Variants in ANK2 observed in about 807,000 individuals in gnomAD.
The protein encoded by ANK2 is ankyrin 2.
Under a neutral mutation model 360.5 loss-of-function variants are expected in ANK2, and 83 were observed. The observed-to-expected ratio is 0.23, with a 90% confidence interval of 0.19 to 0.28. The LOEUF is 0.28. Among genes scored for constraint, ANK2 ranks in the 10% least tolerant of loss-of-function variants. The pLI is 1.00. For missense variants in ANK2, 4,201 were observed against 4,795.7 expected, an observed-to-expected ratio of 0.88 and a Z score of 3.66; for synonymous variants, 1,740 against 1,759.5, an observed-to-expected ratio of 0.99 and a Z score of 0.28.
chr4:112,985,046 T>A (rs7662988), intron 2 of ANK2, among the ~76,000 whole-genome samples: 35,465 of 152,078 alleles, frequency 0.23, 4,368 homozygotes, highest in East Asian at 0.43. Flanking sequence ...ACAATTAAAC[T>A]CTTATGTAGC....
intron 1 of ANK2, among the ~76,000 whole-genome samples, chr4:112,837,314 G>T (rs2061200419): frequency 6.6e-6 from 1 of 152,252 alleles, no homozygotes; most frequent in South Asian, 2.1e-4. Context: ...GGGAAGCTCT[G>T]CCTAGATTTC....
chr4:112,904,196 T>A (rs2084419874), intron 1 of ANK2, among the ~76,000 whole-genome samples: 1 of 152,192 alleles, frequency 6.6e-6, no homozygotes, highest in African/African-American at 2.4e-5. Context: ...CTCATATTTT[T>A]AAAAATCTAT....
intron 2 of ANK2, among the ~76,000 whole-genome samples, chr4:112,989,824 A>G (rs2046146875): frequency 6.6e-6 from 1 of 152,210 alleles, no homozygotes; most frequent in Non-Finnish European, 1.5e-5. Flanking sequence ...AATTACAGAA[A>G]ACATGCACAA....
chr4:113,292,582 G>T (rs1329539625), intron 21 of ANK2, 68 bp downstream of exon 21: 5 of 1,448,232 alleles, frequency 3.5e-6, no homozygotes, highest in Non-Finnish European at 4.7e-6. Context: ...GTGGCTTCTT[G>T]TCTGAGCTGA....
chr4:113,289,695 C>A (rs1244054868), intron 20 of ANK2, among the ~76,000 whole-genome samples: 1 of 152,124 alleles, frequency 6.6e-6, no homozygotes, highest in East Asian at 1.9e-4. Context: ...ATGTTTATAG[C>A]TAATTTAAAA....
intron 1 of ANK2, among the ~76,000 whole-genome samples, chr4:112,845,057 T>C (rs1351048112): frequency 2.6e-5 from 4 of 152,184 alleles, no homozygotes; most frequent in South Asian, 2.1e-4. Context: ...GTAACTTAAA[T>C]AAGAAGTACA....
chr4:113,242,244 A>G (rs1401067551), intron 9 of ANK2, 35 bp downstream of exon 9: 2 of 1,580,462 alleles, frequency 1.3e-6, no homozygotes, highest in African/African-American at 2.7e-5. Flanking sequence ...TTCTACCATT[A>G]TTATTTCTTT....
intron 2 of ANK2, among the ~76,000 whole-genome samples, chr4:112,978,197 T>C (rs949107800): frequency 6.6e-6 from 1 of 152,024 alleles, no homozygotes; most frequent in Non-Finnish European, 1.5e-5. Context: ...TGAGTCGAGA[T>C]TGCGCCATTG....
At chr4:113,026,637 A>G (rs2059344766) in intron 2 of ANK2, among the ~76,000 whole-genome samples, 1 of 152,188 alleles carries the variant, frequency 6.6e-6, no homozygotes, top group Non-Finnish European at 1.5e-5. Flanking sequence ...TTATAAGAAA[A>G]GGCTCAAATG....
rs76706164 is a variant in ANK2, at chr4:112,906,619, A to C, written c.21+2105A>C. Among the ~76,000 whole-genome samples the C allele has an allele frequency of 8.7e-3, 1,321 of 152,278 alleles. 6 individuals are homozygous for C. The highest frequency in any genetic ancestry group is 0.013 in the Non-Finnish European group (879 of 68,014). On this transcript the variant is annotated intron_variant, in intron 2 of 30. Transcript: ENST00000503271. The stretch of plus-strand genomic sequence containing the variant: ...GACAACATGCACATCAACACAGCTA[A>C]GGCAATCTCTGTAGGATGCGTGCAG...
At chr4:112,780,778 A>G in the ANK2 span, among the ~76,000 whole-genome samples, 3 of 152,156 alleles carry the variant, frequency 2.0e-5, no homozygotes, top group Non-Finnish European at 4.4e-5. Flanking sequence ...GTGAGAACTC[A>G]GTCACTATCA....
chr4:112,842,722 C>T (rs1004803261), intron 1 of ANK2, among the ~76,000 whole-genome samples: 4 of 152,210 alleles, frequency 2.6e-5, no homozygotes, highest in African/African-American at 2.4e-5. Context: ...TCCTGCTGTG[C>T]GGCCCGCTTC....
At chr4:113,305,961 C>T (rs1490711661) in intron 23 of ANK2, among the ~76,000 whole-genome samples, 1 of 152,132 alleles carries the variant, frequency 6.6e-6, no homozygotes, top group African/African-American at 2.4e-5. Flanking sequence ...TAAGACTTTA[C>T]ATTGAGATGT....
At chr4:113,309,865 T>G (rs890180788) in intron 23 of ANK2, among the ~76,000 whole-genome samples, 1 of 152,156 alleles carries the variant, frequency 6.6e-6, no homozygotes, top group Non-Finnish European at 1.5e-5. Flanking sequence ...GTCATAAAAT[T>G]TTGATATATT....
Position 113,365,095 on chromosome 4 carries a change from A to G in ANK2, c.10945A>G (p.Met3649Val), listed in dbSNP as rs145856327. 39 of 1,613,620 alleles carry G rather than the reference A, an allele frequency of 2.4e-5. No individual in the cohort carries two copies. The highest frequency in any genetic ancestry group is 3.1e-5 in the Non-Finnish European group (37 of 1,179,674). Reference protein sequence around the residue: ...KINRMDIVHLMETNTEPLQER... With the variant: ...KINRMDIVHLVETNTEPLQER... ...CAACCGAATGGATATTGTTCATCTCATGGAGACCAACACAGAACCTCTCCA... is the reference window on the plus strand; with the variant it reads ...CAACCGAATGGATATTGTTCATCTCGTGGAGACCAACACAGAACCTCTCCA... Residue 3649 changes from methionine (M) to valine (V), a missense_variant, in exon 41 of 46, where the codon ATG becomes GTG. Transcript: ENST00000357077.
the ANK2 span, among the ~76,000 whole-genome samples, chr4:112,746,391 C>T: frequency 6.6e-6 from 1 of 151,536 alleles, no homozygotes; most frequent in South Asian, 2.1e-4. Context: ...AATCCCTAAC[C>T]CAGGTACTCA....
Position 113,382,024 on chromosome 4 carries a change from T to C in ANK2, c.*553T>C. 1 of 224,948 alleles carries C rather than the reference T, an allele frequency of 4.4e-6. No individual in the cohort carries two copies. The highest frequency in any genetic ancestry group is 9.1e-6 in the Non-Finnish European group (1 of 110,202). The allele number at this position is 224,948 out of a possible 1,614,324, so 13.9% of individuals were successfully genotyped here. The stretch of plus-strand genomic sequence containing the variant: ...CCAAGGAATATCTATGTACAATGTA[T>C]ATAGCTGAAATGCTCAGATGAACAA... On this transcript the variant is annotated 3_prime_UTR_variant, in exon 46 of 46. Coordinates refer to ENST00000357077, the MANE Select transcript of ANK2 (RefSeq NM_001148.6).
At chr4:112,944,134 C>T (rs542042698) in intron 2 of ANK2, among the ~76,000 whole-genome samples, 3 of 152,264 alleles carry the variant, frequency 2.0e-5, no homozygotes, top group South Asian at 4.1e-4. Flanking sequence ...AAATCCTTTC[C>T]CCTTACTGGA....
In ANK2 at chr4:113,358,991, G is replaced by A; in HGVS notation, c.10373G>A (p.Ser3458Asn). Residue 3458 changes from serine (S) to asparagine (N), a missense_variant, in exon 38 of 46, where the codon AGC becomes AAC. Transcript: ENST00000357077. ...STTSSCRGGT[S>N]PTKESKEHFF... is the part of the protein sequence containing the mutation. ...ACATCTTCCTGCAGGGGGGGCACGA[G>A]CCCCACAAAAGAAAGTAAGGAGCAT... 1 of 1,614,070 alleles carries A rather than the reference G, an allele frequency of 6.2e-7. No individual in the cohort carries two copies. The highest frequency in any genetic ancestry group is 8.5e-7 in the Non-Finnish European group (1 of 1,179,960).
Sources: gnomAD v4.1 joint callset for allele counts (sites outside exome capture counted in the v4.1 genomes callset) on GRCh38, gnomAD v4.1.1 for gene constraint, MANE v1.5 for transcripts, NCBI Gene and HGNC (gene_info 2026-07-23, HGNC 2026-07-21) for gene names.